MGAM2: variants seen among roughly 807,000 people sequenced by gnomAD.
The protein encoded by MGAM2 is maltase-glucoamylase 2 (putative).
Under a neutral mutation model 96.1 loss-of-function variants are expected in MGAM2, and 98 were observed. The ratio of observed to expected loss-of-function variants is 1.02; its 90% CI spans 0.87 to 1.21. MGAM2 has a LOEUF of 1.21. MGAM2 is among the 50% of genes most tolerant of loss of function. MGAM2 has a pLI of 0.00. For synonymous variants in MGAM2, 749 were observed against 414.8 expected (o/e 1.81, Z -9.79); for missense variants, 2,055 against 1,182.4 (o/e 1.74, Z -10.82).
At chr7:142,127,228 G>A (rs1563249099) in intron 3 of MGAM2, among the ~76,000 whole-genome samples, 1 of 152,106 alleles carries the variant, frequency 6.6e-6, no homozygotes, top group East Asian at 1.9e-4. Flanking sequence ...AGTTGTTAAT[G>A]ATCCATGACA....
At chr7:142,182,872 A>G (rs1047344703) in intron 32 of MGAM2, among the ~76,000 whole-genome samples, 3 of 152,158 alleles carry the variant, frequency 2.0e-5, no homozygotes, top group South Asian at 2.1e-4. Flanking sequence ...GTTTTTCTCC[A>G]TGGGAGAGGT....
At chr7:142,177,224 G>C (rs143141956) in intron 32 of MGAM2, among the ~76,000 whole-genome samples, 48 of 152,304 alleles carry the variant, frequency 3.2e-4, no homozygotes, top group South Asian at 6.2e-4. Context: ...AAGGTGAAAG[G>C]CATGTCTCTC....
intron 32 of MGAM2, among the ~76,000 whole-genome samples, chr7:142,177,603 T>C (rs563746749): frequency 6.6e-6 from 1 of 152,322 alleles, no homozygotes; most frequent in African/African-American, 2.4e-5. Context: ...CTCCCACTTA[T>C]AAGTGAGAAC....
rs139756685 is a variant in MGAM2, at chr7:142,180,386, G to C, written c.3817-2880G>C. On this transcript the variant is annotated intron_variant, in intron 32 of 47. Transcript: ENST00000477922. ...TGATTATGATCATTTATTTTCTTCT[G>C]CGATCTTTGGGGTAAGTTTGTTCCT... Among the ~76,000 whole-genome samples the C allele has an allele frequency of 5.2e-3, 752 of 145,046 alleles. 12 individuals carry two copies. The highest frequency in any genetic ancestry group is 0.038 in the Admixed American group (543 of 14,164).
At chr7:142,153,617 G>A (rs1366570092) in intron 15 of MGAM2, among the ~76,000 whole-genome samples, 2 of 152,150 alleles carry the variant, frequency 1.3e-5, no homozygotes, top group African/African-American at 2.4e-5. Flanking sequence ...GTGCTGTGCT[G>A]TACAGGATTA....
chr7:142,144,272 A>G (rs903497667), intron 13 of MGAM2, among the ~76,000 whole-genome samples: 3 of 152,248 alleles, frequency 2.0e-5, no homozygotes, highest in African/African-American at 7.2e-5. Flanking sequence ...GAAGAACAAT[A>G]GGAATTTCTT....
At chr7:142,202,824 G>T (rs1358228926) in intron 45 of MGAM2, among the ~76,000 whole-genome samples, 1 of 152,092 alleles carries the variant, frequency 6.6e-6, no homozygotes, top group African/African-American at 2.4e-5. Context: ...TTTCCTTTGG[G>T]ACATACCAAG....
chr7:142,175,983 G>T (rs1021153204), intron 32 of MGAM2, among the ~76,000 whole-genome samples: 2 of 151,508 alleles, frequency 1.3e-5, no homozygotes, highest in Non-Finnish European at 2.9e-5. Context: ...ATGAAAAGGG[G>T]CTTTTAAAAG....
In MGAM2 at chr7:142,116,856, T is replaced by A. The variant is rs1294734595; in HGVS notation, c.1-18T>A. On this transcript the variant is annotated intron_variant, in intron 1 of 47. Transcript: ENST00000477922. Reference sequence around the variant, plus strand: ...GGCCTTGTGATTTGTTTTAACCCAATTATCTGTGTCTATCTAGATGGCGAG... The same window carrying A: ...GGCCTTGTGATTTGTTTTAACCCAAATATCTGTGTCTATCTAGATGGCGAG... 2.8e-6 allele frequency: 2 copies of A among 703,454 alleles called. No homozygotes were observed. Among genetic ancestry groups the A allele is most frequent in the Non-Finnish European group, 5.2e-6 (2 of 385,084 alleles). 43.6% of individuals were successfully genotyped at this position (703,454 alleles called of 1,614,324 possible). A position where few individuals can be genotyped will look rare whatever the true frequency, so the allele number is the denominator to read the frequency against.
chr7:142,194,901 C>T (rs1486141483), intron 37 of MGAM2, among the ~76,000 whole-genome samples: 1 of 152,128 alleles, frequency 6.6e-6, no homozygotes, highest in Non-Finnish European at 1.5e-5. Context: ...TGTATACATA[C>T]TAGGATCTAT....
Position 142,221,512 on chromosome 7 carries a change from C to A in MGAM2, c.7001C>A (p.Thr2334Asn), listed in dbSNP as rs1169800706. 1 of 544,544 alleles carries A rather than the reference C, an allele frequency of 1.8e-6. No homozygotes were observed. Among genetic ancestry groups the A allele is most frequent in the Non-Finnish European group, 3.2e-6 (1 of 310,604 alleles). The allele number at this position is 544,544 out of a possible 1,614,324, so 33.7% of individuals were successfully genotyped here. A position where few individuals can be genotyped will look rare whatever the true frequency, so the allele number is the denominator to read the frequency against. Residue 2334 changes from threonine to asparagine, a missense_variant, in exon 48 of 48, where the codon ACC becomes AAC. Thr to Asn is a moderately conservative substitution (Grantham distance 65, BLOSUM62 0). Transcript: ENST00000477922. ...FTTDKITNFTTPTNANTIIFN... is the reference protein window; with the variant it reads ...FTTDKITNFTNPTNANTIIFN... Reference sequence around the variant, plus strand: ...ACTGATAAAATTACTAATTTTACTACCCCTACAAATGCAAACACCATTATT... The same window carrying A: ...ACTGATAAAATTACTAATTTTACTAACCCTACAAATGCAAACACCATTATT...
rs918651148 is a variant in MGAM2 at position 142,134,034 on chromosome 7, C to G, written c.629C>G (p.Ser210Cys). 8 of 747,294 alleles carry G rather than the reference C, an allele frequency of 1.1e-5. No homozygotes were observed. In the African/African-American group the frequency reaches 1.2e-4, roughly 11 times the overall value. 46.3% of individuals were successfully genotyped at this position (747,294 alleles called of 1,614,324 possible). A position where few individuals can be genotyped will look rare whatever the true frequency, so the allele number is the denominator to read the frequency against. ...LQFAQQYLQL[S>C]FRLPSANVYG... Reference sequence around the variant, plus strand: ...TTTGCCCAGCAGTACCTGCAACTGTCTTTCCGACTGCCCAGTGCCAATGTG... The same window carrying G: ...TTTGCCCAGCAGTACCTGCAACTGTGTTTCCGACTGCCCAGTGCCAATGTG... The change falls in exon 7 of 48, where the codon TCT becomes TGT. Residue 210 changes from serine (S) to cysteine (C), a missense_variant. Transcript: ENST00000477922.
chr7:142,202,120 A>G (rs1031527027), intron 45 of MGAM2, among the ~76,000 whole-genome samples: 1 of 152,210 alleles, frequency 6.6e-6, no homozygotes, highest in Non-Finnish European at 1.5e-5. Flanking sequence ...TCTAGAAAAT[A>G]CAAATCCAGT....
At chr7:142,217,871 G>A (rs1158461427) in intron 46 of MGAM2, among the ~76,000 whole-genome samples, 2 of 152,148 alleles carry the variant, frequency 1.3e-5, no homozygotes, top group Admixed American at 1.3e-4. Context: ...GGATCACGTG[G>A]TCAGGGATTT....
rs1484974155 is a variant in MGAM2 at position 142,152,056 on chromosome 7, GTC to G, written c.1635-1960_1635-1959del. 6.6e-5 allele frequency among the ~76,000 whole-genome samples: 10 copies of G among 150,778 alleles called. No homozygotes were observed. The Admixed American group carries it at 6.7e-4, about 10-fold the overall frequency. On this transcript the variant is annotated intron_variant, in intron 15 of 47. Transcript: ENST00000477922. Reference sequence around the variant, plus strand: ...AGGCTGAAAGCCGAAGGAGACTAGAGTCTTTCAGTGATCACAACCTGATTATA... The same window carrying G: ...AGGCTGAAAGCCGAAGGAGACTAGAGTTTCAGTGATCACAACCTGATTATA...
In MGAM2 at chr7:142,158,348, A is replaced by G; in HGVS notation, c.2163+16A>G. ...TTTATATGAAGTATGTTTATCATCT[A>G]AACAATGAAAGGGGGTATTGCACTT... On this transcript the variant is annotated intron_variant, in intron 19 of 47. Coordinates refer to ENST00000477922, the MANE Select transcript of MGAM2 (RefSeq NM_001293626.2). 1 of 702,948 alleles carries G rather than the reference A, an allele frequency of 1.4e-6. No individual in the cohort carries two copies. Among genetic ancestry groups the G allele is most frequent in the Non-Finnish European group, 2.6e-6 (1 of 384,962 alleles). The allele number at this position is 702,948 out of a possible 1,614,324, so 43.5% of individuals were successfully genotyped here. A position where few individuals can be genotyped will look rare whatever the true frequency, so the allele number is the denominator to read the frequency against.
At chr7:142,116,418 T>C (rs1232628311) in intron 1 of MGAM2, among the ~76,000 whole-genome samples, 3 of 152,330 alleles carry the variant, frequency 2.0e-5, no homozygotes, top group Admixed American at 2.0e-4. Context: ...TTCAGCATCA[T>C]GTCCAGGGCA....
intron 35 of MGAM2, among the ~76,000 whole-genome samples, chr7:142,187,362 T>C (rs1249594163): frequency 6.6e-6 from 1 of 152,220 alleles, no homozygotes; most frequent in African/African-American, 2.4e-5. Flanking sequence ...AATCCATGCG[T>C]AGTAAAACAA....
intron 37 of MGAM2, among the ~76,000 whole-genome samples, chr7:142,192,357 T>C (rs1445517824): frequency 1.3e-5 from 2 of 152,290 alleles, no homozygotes; most frequent in South Asian, 2.1e-4. Flanking sequence ...CATGTCATTA[T>C]ATGAAATACA....
Sources: allele counts gnomAD v4.1 joint callset (sites outside exome capture counted in the v4.1 genomes callset), GRCh38; gene constraint gnomAD v4.1.1; transcripts MANE v1.5; gene names NCBI Gene and HGNC (gene_info 2026-07-23, HGNC 2026-07-21).